Variants in CDC42SE2 observed in about 807,000 individuals in gnomAD.
CDC42SE2 encodes the protein CDC42 small effector protein 2.
In CDC42SE2, 3 loss-of-function variants were observed where a neutral mutation model predicts 11.5. The ratio of observed to expected loss-of-function variants is 0.26; its 90% CI spans 0.12 to 0.67. The LOEUF is 0.67. Ranked by LOEUF, CDC42SE2 falls within the 30% of genes least tolerant of loss-of-function variation. CDC42SE2 has a pLI of 0.80. For synonymous variants in CDC42SE2, 33 were observed against 34.8 expected (o/e 0.95, Z 0.18); for missense variants, 82 against 106.8 (o/e 0.77, Z 1.02).
rs1208153199 is a variant in CDC42SE2 at position 131,376,479 on chromosome 5, T to C, written c.55-9064T>C. 2.0e-5 allele frequency among the ~76,000 whole-genome samples: 3 copies of C among 152,208 alleles called. No homozygotes were observed. In the East Asian group the frequency reaches 5.8e-4, roughly 29 times the overall value. ...ATTACCCACTTTTACTTTTTAAATA[T>C]TCAGCTGTTAATCTTTATTTTTTAA... is the stretch of plus-strand genomic sequence containing the variant. On this transcript the variant is annotated intron_variant, in intron 3 of 4. Transcript: ENST00000505065.
chr5:131,292,917 A>AC (rs1561574582), intron 1 of CDC42SE2, among the ~76,000 whole-genome samples: 13 of 148,906 alleles, frequency 8.7e-5, no homozygotes, highest in African/African-American at 3.2e-4. Flanking sequence ...AAAAAAAAAA[A>AC]AAAAAAAAAA....
the CDC42SE2 span, among the ~76,000 whole-genome samples, chr5:131,221,771 C>T: frequency 6.6e-6 from 1 of 152,244 alleles, no homozygotes; most frequent in East Asian, 1.9e-4. Context: ...CTAACACTTA[C>T]TTACAAAATT....
intron 1 of CDC42SE2, among the ~76,000 whole-genome samples, chr5:131,302,565 C>T (rs939493280): frequency 1.3e-5 from 2 of 152,142 alleles, no homozygotes; most frequent in African/African-American, 4.8e-5. Flanking sequence ...ATCCACCCAC[C>T]TCAGCCTCCC....
chr5:131,317,827 AT>A (rs1202344657), intron 2 of CDC42SE2, among the ~76,000 whole-genome samples: 1 of 151,560 alleles, frequency 6.6e-6, no homozygotes, highest in African/African-American at 2.4e-5. Flanking sequence ...TATATTTTGA[AT>A]CCTTCAAAAA....
At chr5:131,300,776 C>T (rs2149715753) in intron 1 of CDC42SE2, among the ~76,000 whole-genome samples, 1 of 149,082 alleles carries the variant, frequency 6.7e-6, no homozygotes, top group Middle Eastern at 3.4e-3. Flanking sequence ...GAGCGAGACT[C>T]CGTCTCAAAA....
chr5:131,216,213 G>A, the CDC42SE2 span, among the ~76,000 whole-genome samples: 7 of 152,040 alleles, frequency 4.6e-5, no homozygotes, highest in South Asian at 2.1e-4. Context: ...AGTAGCTCAC[G>A]CCTGTAATCC....
At chr5:131,293,829 T>G (rs964555401) in intron 1 of CDC42SE2, among the ~76,000 whole-genome samples, 8 of 152,212 alleles carry the variant, frequency 5.3e-5, no homozygotes, top group Admixed American at 1.3e-4. Context: ...CATTTTACTT[T>G]TAGGCCCTGG....
chr5:131,315,518 G>A (rs6872533), intron 1 of CDC42SE2, among the ~76,000 whole-genome samples: 140,025 of 152,206 alleles, frequency 0.92, 64,728 homozygotes, highest in African/African-American at 0.98. Flanking sequence ...GAGAACTGCA[G>A]AGTCCCATCC....
chr5:131,283,625 C>G (rs1044619394), intron 1 of CDC42SE2, among the ~76,000 whole-genome samples: 8 of 151,522 alleles, frequency 5.3e-5, no homozygotes, highest in Non-Finnish European at 1.0e-4. Flanking sequence ...TCCCAAGTAA[C>G]TGGGATTGCA....
chr5:131,221,872 T>C, the CDC42SE2 span, among the ~76,000 whole-genome samples: 4 of 152,226 alleles, frequency 2.6e-5, no homozygotes, highest in African/African-American at 9.6e-5. Context: ...CATAGGTGAA[T>C]TGCACAAATT....
At chr5:131,388,674 A>C (rs1750562389) in intron 4 of CDC42SE2, among the ~76,000 whole-genome samples, 1 of 152,248 alleles carries the variant, frequency 6.6e-6, no homozygotes. Flanking sequence ...ACAATAATAC[A>C]TTGTCTCAAC....
chr5:131,236,358 A>C, the CDC42SE2 span, among the ~76,000 whole-genome samples: 3 of 152,170 alleles, frequency 2.0e-5, no homozygotes, highest in Non-Finnish European at 4.4e-5. Flanking sequence ...TTTTACATTT[A>C]AATCTTCGAT....
chr5:131,377,845 G>C (rs1472757685), intron 3 of CDC42SE2, among the ~76,000 whole-genome samples: 2 of 152,206 alleles, frequency 1.3e-5, no homozygotes, highest in African/African-American at 4.8e-5. Flanking sequence ...GCATTACATT[G>C]TTTACATCTT....
At chr5:131,220,584 C>T in the CDC42SE2 span, among the ~76,000 whole-genome samples, 1 of 152,240 alleles carries the variant, frequency 6.6e-6, no homozygotes, top group African/African-American at 2.4e-5. Context: ...CTTTAGGGTA[C>T]CTTGATAGAA....
At chr5:131,345,639 A>T (rs1267321463) in intron 2 of CDC42SE2, among the ~76,000 whole-genome samples, 1 of 152,212 alleles carries the variant, frequency 6.6e-6, no homozygotes, top group African/African-American at 2.4e-5. Flanking sequence ...AATTCAGGAA[A>T]TACAGAGAAT....
intron 2 of CDC42SE2, among the ~76,000 whole-genome samples, chr5:131,343,200 A>T (rs1758755188): frequency 6.6e-6 from 1 of 152,098 alleles, no homozygotes; most frequent in African/African-American, 2.4e-5. Flanking sequence ...GACAGTATAT[A>T]CAAGTTTGCC....
At chr5:131,308,658 CACATCCCT>C (rs1365456957) in intron 1 of CDC42SE2, among the ~76,000 whole-genome samples, 1 of 148,552 alleles carries the variant, frequency 6.7e-6, no homozygotes. Flanking sequence ...AGAGGTCCTT[CACATCCCT>C]TGTAAGTTGG....
chr5:131,389,322 C>T (rs1189679288), intron 4 of CDC42SE2, among the ~76,000 whole-genome samples: 3 of 152,162 alleles, frequency 2.0e-5, no homozygotes, highest in Non-Finnish European at 4.4e-5. Context: ...ATTAACTGAG[C>T]AAGTTTATGT....
intron 2 of CDC42SE2, among the ~76,000 whole-genome samples, chr5:131,332,152 G>C (rs1758432642): frequency 6.6e-6 from 1 of 151,974 alleles, no homozygotes; most frequent in Non-Finnish European, 1.5e-5. Flanking sequence ...GGTGTGTGAT[G>C]TTCCCCTTCC....
Sources: gnomAD v4.1 joint callset for allele counts (sites outside exome capture counted in the v4.1 genomes callset) on GRCh38, gnomAD v4.1.1 for gene constraint, MANE v1.5 for transcripts, NCBI Gene and HGNC (gene_info 2026-07-23, HGNC 2026-07-21) for gene names.